Variants in RSPRY1 observed in about 807,000 individuals in gnomAD.
The protein encoded by RSPRY1 is ring finger and SPRY domain containing 1.
A neutral mutation model predicts 73.1 loss-of-function variants in RSPRY1; 23 were observed. The observed-to-expected ratio is 0.31, with a 90% confidence interval of 0.23 to 0.45. RSPRY1 has a LOEUF of 0.45. RSPRY1 is among the 20% of genes least tolerant of loss of function. RSPRY1 has a pLI of 1.00. For synonymous variants in RSPRY1, 226 were observed against 251.4 expected (o/e 0.90, Z 0.95); for missense variants, 448 against 698.7 (o/e 0.64, Z 4.05).
At chr16:57,238,093 T>TA (rs554843752) in intron 14 of RSPRY1, among the ~76,000 whole-genome samples, 21 of 148,544 alleles carry the variant, frequency 1.4e-4, no homozygotes, top group African/African-American at 3.5e-4. Context: ...TTACCATGGT[T>TA]AAAAAAAAAA....
intron 1 of RSPRY1, among the ~76,000 whole-genome samples, chr16:57,188,968 T>C (rs1478516926): frequency 9.9e-5 from 15 of 151,824 alleles, no homozygotes; most frequent in Non-Finnish European, 2.9e-5. Flanking sequence ...TTCTATGTTA[T>C]GCTTTTTTCT....
intron 1 of RSPRY1, among the ~76,000 whole-genome samples, chr16:57,195,109 T>C (rs1382537294): frequency 1.3e-5 from 2 of 152,204 alleles, no homozygotes; most frequent in Non-Finnish European, 2.9e-5. Context: ...TTTAGTTTCT[T>C]TTTTAAAAAG....
intron 10 of RSPRY1, among the ~76,000 whole-genome samples, chr16:57,221,718 G>A (rs1408318799): frequency 6.6e-6 from 1 of 152,116 alleles, no homozygotes; most frequent in African/African-American, 2.4e-5. Flanking sequence ...CCACGTACTT[G>A]GCTCATTTCT....
intron 1 of RSPRY1, among the ~76,000 whole-genome samples, chr16:57,188,685 T>C (rs2074295976): frequency 6.6e-6 from 1 of 151,876 alleles, no homozygotes; most frequent in Admixed American, 6.5e-5. Context: ...CCCAGCTAAT[T>C]TTGTATTTTT....
At chr16:57,186,733 A>G (rs1398639604) in intron 1 of RSPRY1, 2 of 151,978 alleles carry the variant, frequency 1.3e-5, no homozygotes, top group African/African-American at 4.8e-5. Context: ...TCCTCACCAG[A>G]AGAGGTTCTT....
At chr16:57,232,452 C>T (rs1222228016) in intron 13 of RSPRY1, among the ~76,000 whole-genome samples, 1 of 152,192 alleles carries the variant, frequency 6.6e-6, no homozygotes, top group African/African-American at 2.4e-5. Flanking sequence ...TTCATTCAGG[C>T]TCATCCTTGG....
In RSPRY1 at chr16:57,221,477, G is replaced by C; in HGVS notation, c.1161+62G>C. 2.0e-6 allele frequency: 3 copies of C among 1,503,150 alleles called. No individual in the cohort carries two copies. The South Asian group carries it at 3.7e-5, about 18-fold the overall frequency. 93.1% of individuals were successfully genotyped at this position (1,503,150 alleles called of 1,614,324 possible). Reference sequence around the variant, plus strand: ...GGCAGTTTGCTTTTTCCCCCTAGTTGGTGGGTGGAAAATACTTATTTTTCA... The same window carrying C: ...GGCAGTTTGCTTTTTCCCCCTAGTTCGTGGGTGGAAAATACTTATTTTTCA... On this transcript the variant is annotated intron_variant, in intron 10 of 14. Transcript: ENST00000394420.
chr16:57,192,096 CTAAGA>C (rs1424973811), intron 1 of RSPRY1, among the ~76,000 whole-genome samples: 2 of 152,046 alleles, frequency 1.3e-5, no homozygotes, highest in African/African-American at 4.8e-5. Flanking sequence ...ATAAATTCAC[CTAAGA>C]TATTTATTGA....
At chr16:57,206,416 TAATC>T (rs1214466171) in intron 2 of RSPRY1, among the ~76,000 whole-genome samples, 1 of 152,134 alleles carries the variant, frequency 6.6e-6, no homozygotes, top group Non-Finnish European at 1.5e-5. Flanking sequence ...AAAAATTAAT[TAATC>T]AAAAAAAATT....
intron 8 of RSPRY1, chr16:57,220,003 A>G (rs539788023): frequency 3.4e-4 from 52 of 152,124 alleles, no homozygotes; most frequent in African/African-American, 1.1e-3. Context: ...CTTCTGTTCC[A>G]TTGGTCCATG....
intron 4 of RSPRY1, among the ~76,000 whole-genome samples, chr16:57,211,262 C>T (rs1422489963): frequency 6.2e-5 from 8 of 128,056 alleles, no homozygotes; most frequent in African/African-American, 2.3e-4. Context: ...GACCTTGTCT[C>T]TGTTAAAAAA....
intron 11 of RSPRY1, 59 bp downstream of exon 11, chr16:57,227,512 G>A (rs2075137984): frequency 8.3e-7 from 1 of 1,199,218 alleles, no homozygotes. Context: ...GTTATTATGA[G>A]GCATTTATTA....
intron 10 of RSPRY1, among the ~76,000 whole-genome samples, chr16:57,223,139 T>C (rs1597912907): frequency 6.6e-6 from 1 of 152,232 alleles, no homozygotes; most frequent in East Asian, 1.9e-4. Flanking sequence ...ATTTTAATGA[T>C]GTTGCCATAT....
upstream of RSPRY1, chr16:57,186,198 G>A (rs2074163853): frequency 3.0e-6 from 3 of 984,570 alleles, no homozygotes; most frequent in Non-Finnish European, 3.6e-6. Flanking sequence ...CTGGAGGGCG[G>A]GCCGGTCCCG....
At position 57,201,032 on chromosome 16, in the gene RSPRY1, G is replaced by A. The variant is rs527646305; in HGVS notation, c.-155-3472G>A. 5.6e-5 allele frequency among the ~76,000 whole-genome samples: 8 copies of A among 143,248 alleles called. No homozygotes were observed. In the South Asian group the frequency reaches 1.6e-3, roughly 29 times the overall value. The allele number at this position is 143,248 out of a possible 152,430, so 94.0% of individuals were successfully genotyped here. A position where few individuals can be genotyped will look rare whatever the true frequency, so the allele number is the denominator to read the frequency against. On this transcript the variant is annotated intron_variant, in intron 1 of 14. Coordinates refer to ENST00000394420, the MANE Select transcript of RSPRY1 (RefSeq NM_133368.3). The stretch of plus-strand genomic sequence containing the variant: ...GGGCTGACCCCCCCACCTCCCTCCC[G>A]GATGGGCGGCTGGCCGGGCGGGGGG...
At chr16:57,223,148 A>T (rs532076825) in intron 10 of RSPRY1, among the ~76,000 whole-genome samples, 55 of 152,334 alleles carry the variant, frequency 3.6e-4, no homozygotes, top group African/African-American at 1.3e-3. Flanking sequence ...ATGTTGCCAT[A>T]TTTAAAACTT....
At chr16:57,215,969 A>G in intron 6 of RSPRY1, 138 bp from the exon 7 acceptor site, 1 of 642,158 alleles carries the variant, frequency 1.6e-6, no homozygotes, top group Non-Finnish European at 2.7e-6. Context: ...GATAATTGAG[A>G]ACTTGAATGA....
intron 1 of RSPRY1, among the ~76,000 whole-genome samples, chr16:57,201,786 G>A (rs939676134): frequency 2.6e-5 from 4 of 152,336 alleles, no homozygotes; most frequent in South Asian, 2.1e-4. Flanking sequence ...GCGAAACCCC[G>A]TCTCCACCAA....
At position 57,199,838 on chromosome 16, in the gene RSPRY1, CTTT is replaced by C. The variant is rs3055196; in HGVS notation, c.-155-4654_-155-4652del. On this transcript the variant is annotated intron_variant, in intron 1 of 14. Transcript: ENST00000394420. ...TAACAGCGCCTTATCAGTGAAATTT[CTTT>C]TTTTTTTTTTTCCCACTCCAAACCT... Among the ~76,000 whole-genome samples, 35 of 132,566 alleles carry C rather than the reference CTTT, an allele frequency of 2.6e-4. No homozygotes were observed. The East Asian group carries it at 3.2e-3, about 12-fold the overall frequency. 87.0% of individuals were successfully genotyped at this position (132,566 alleles called of 152,430 possible).
Sources: gnomAD v4.1 joint callset for allele counts (sites outside exome capture counted in the v4.1 genomes callset) on GRCh38, gnomAD v4.1.1 for gene constraint, MANE v1.5 for transcripts, NCBI Gene and HGNC (gene_info 2026-07-23, HGNC 2026-07-21) for gene names.